The following CTNNA3 variants were observed in gnomAD, a reference collection of about 807,000 sequenced individuals.
The protein encoded by CTNNA3 is catenin alpha 3, also known as catenin alpha-3.
A neutral mutation model predicts 95.7 loss-of-function variants in CTNNA3; 76 were observed. That is an observed-to-expected ratio of 0.79 (90% confidence interval 0.66 to 0.96). The LOEUF (loss-of-function observed/expected upper bound fraction) is 0.96. Among genes scored for constraint, CTNNA3 ranks in the 40% least tolerant of loss-of-function variants. The pLI, the probability that CTNNA3 is intolerant of heterozygous loss-of-function variation, is 0.00. For missense variants in CTNNA3, 1,191 were observed against 1,089.8 expected (o/e 1.09, Z -1.31); for synonymous variants, 431 against 374.4 (o/e 1.15, Z -1.74).
chr10:66,466,600 G>A (rs1911302), intron 11 of CTNNA3, among the ~76,000 whole-genome samples: 9,400 of 151,474 alleles, frequency 0.062, 607 homozygotes, highest in African/African-American at 0.17. Context: ...GCTTTTGCAT[G>A]TAACCCTCTC....
intron 5 of CTNNA3, among the ~76,000 whole-genome samples, chr10:67,503,725 C>A (rs1440732838): frequency 1.3e-5 from 2 of 152,144 alleles, no homozygotes; most frequent in East Asian, 3.9e-4. Context: ...TGCCAACATT[C>A]TTAGATATTC....
chr10:67,423,848 T>A (rs192390599), intron 5 of CTNNA3, among the ~76,000 whole-genome samples: 95 of 152,268 alleles, frequency 6.2e-4, no homozygotes, highest in African/African-American at 2.1e-3. Flanking sequence ...GGTCGGGGAC[T>A]CTTCAATCTT....
intron 7 of CTNNA3, among the ~76,000 whole-genome samples, chr10:67,128,391 T>G (rs977727218): frequency 2.0e-5 from 3 of 152,140 alleles, no homozygotes; most frequent in Admixed American, 6.6e-5. Context: ...TTTATTTAAT[T>G]TCTACATCTC....
intron 1 of CTNNA3, among the ~76,000 whole-genome samples, chr10:67,681,163 T>C (rs954566203): frequency 2.0e-5 from 3 of 152,194 alleles, no homozygotes; most frequent in Non-Finnish European, 4.4e-5. Context: ...ACTTGAGAAC[T>C]TGATAAAATG....
chr10:66,405,681 T>A (rs1339376630), intron 11 of CTNNA3, among the ~76,000 whole-genome samples: 1 of 152,224 alleles, frequency 6.6e-6, no homozygotes, highest in Non-Finnish European at 1.5e-5. Context: ...TCCTATTCTT[T>A]TGCTGCATAT....
intron 3 of CTNNA3, among the ~76,000 whole-genome samples, chr10:67,595,339 GTTT>G (rs1842907107): frequency 2.0e-5 from 3 of 152,020 alleles, no homozygotes; most frequent in Admixed American, 2.0e-4. Context: ...TTGTATCTTT[GTTT>G]TCATTTATTC....
intron 13 of CTNNA3, among the ~76,000 whole-genome samples, chr10:66,119,292 T>C (rs1228665244): frequency 3.9e-5 from 6 of 152,188 alleles, no homozygotes; most frequent in African/African-American, 1.4e-4. Context: ...ATTGAAACAG[T>C]GTTCACATTT....
chr10:66,007,575 T>A (rs2078912657), intron 15 of CTNNA3, among the ~76,000 whole-genome samples: 1 of 152,164 alleles, frequency 6.6e-6, no homozygotes. Context: ...CTTAAAAAAA[T>A]TTGTGCCTCA....
At chr10:67,608,673 AAAAG>A (rs1843356347) in intron 2 of CTNNA3, among the ~76,000 whole-genome samples, 2 of 152,294 alleles carry the variant, frequency 1.3e-5, no homozygotes, top group East Asian at 1.9e-4. Context: ...CTTGGGGAAA[AAAAG>A]AAAGAAATGA....
intron 14 of CTNNA3, among the ~76,000 whole-genome samples, chr10:66,085,593 T>C (rs1480790315): frequency 6.6e-6 from 1 of 152,150 alleles, no homozygotes; most frequent in Non-Finnish European, 1.5e-5. Flanking sequence ...TGGGAGAATG[T>C]CACCAGAGAG....
At position 66,227,357 on chromosome 10, in the gene CTNNA3, C is replaced by G. The variant is rs551115284; in HGVS notation, c.1884+53113G>C. On this transcript the variant is annotated intron_variant, in intron 13 of 17. Transcript: ENST00000433211. The stretch of plus-strand genomic sequence containing the variant: ...TACTGTGTTGAGGTACACTTCTATA[C>G]TTAATTTGTTAAGAGGTGTTTTTTT... Among the ~76,000 whole-genome samples the G allele has an allele frequency of 8.6e-4, 116 of 135,308 alleles. 1 individual carries two copies. The highest frequency in any genetic ancestry group is 3.1e-3 in the African/African-American group (114 of 37,056). 88.8% of individuals were successfully genotyped at this position (135,308 alleles called of 152,430 possible).
At chr10:66,102,341 G>T (rs1223294484) in intron 14 of CTNNA3, among the ~76,000 whole-genome samples, 1 of 152,126 alleles carries the variant, frequency 6.6e-6, no homozygotes, top group East Asian at 1.9e-4. Context: ...TATATAAGTG[G>T]TCTGTTAGTT....
At chr10:67,273,145 C>T (rs915946965) in intron 5 of CTNNA3, among the ~76,000 whole-genome samples, 4 of 151,992 alleles carry the variant, frequency 2.6e-5, no homozygotes, top group Admixed American at 2.6e-4. Flanking sequence ...TTCCTCATAC[C>T]TAAAATGGAA....
intron 11 of CTNNA3, among the ~76,000 whole-genome samples, chr10:66,415,600 C>T (rs1010790948): frequency 1.9e-4 from 29 of 152,240 alleles, no homozygotes; most frequent in African/African-American, 6.7e-4. Context: ...TATGAGCAGG[C>T]ACTCTCAGCC....
At chr10:66,902,196 G>A (rs1845779866) in intron 7 of CTNNA3, among the ~76,000 whole-genome samples, 1 of 152,150 alleles carries the variant, frequency 6.6e-6, no homozygotes, top group African/African-American at 2.4e-5. Context: ...AGACCACAGT[G>A]CAATCAAATT....
At chr10:66,046,453 G>A (rs569393872) in intron 15 of CTNNA3, among the ~76,000 whole-genome samples, 126 of 152,260 alleles carry the variant, frequency 8.3e-4, no homozygotes, top group Middle Eastern at 3.4e-3. Flanking sequence ...CAGAATCTCT[G>A]AGACACAGCT....
At chr10:67,313,111 C>T (rs535740933) in intron 5 of CTNNA3, among the ~76,000 whole-genome samples, 1 of 152,044 alleles carries the variant, frequency 6.6e-6, no homozygotes, top group Admixed American at 6.5e-5. Context: ...ATTACCACGG[C>T]TAAACTACTA....
chr10:67,371,967 G>C (rs369910876), intron 5 of CTNNA3, among the ~76,000 whole-genome samples: 6 of 152,044 alleles, frequency 3.9e-5, no homozygotes, highest in African/African-American at 9.7e-5. Flanking sequence ...ATTTGCATTT[G>C]TCTGATGGCC....
intron 3 of CTNNA3, among the ~76,000 whole-genome samples, chr10:67,545,643 A>G (rs1189227324): frequency 6.6e-6 from 1 of 152,128 alleles, no homozygotes. Flanking sequence ...AAAGATCAAG[A>G]AAGATTCTGC....
Sources: gnomAD v4.1 joint callset for allele counts (sites outside exome capture counted in the v4.1 genomes callset) on GRCh38, gnomAD v4.1.1 for gene constraint, MANE v1.5 for transcripts, NCBI Gene and HGNC (gene_info 2026-07-23, HGNC 2026-07-21) for gene names.